Variants in RALYL observed in about 807,000 individuals in gnomAD.
The protein encoded by RALYL is RALY RNA binding protein like, also known as RNA-binding Raly-like protein.
A neutral mutation model predicts 35.1 loss-of-function variants in RALYL; 29 were observed. The observed-to-expected ratio is 0.83, with a 90% CI of 0.61 to 1.13. The LOEUF is 1.13. Ranked by LOEUF, RALYL falls within the 50% of genes most tolerant of loss-of-function variation. The pLI is 0.00. For synonymous variants in RALYL, 120 were observed against 127.6 expected, an observed-to-expected ratio of 0.94 and a Z score of 0.40; for missense variants, 359 against 360.4, an observed-to-expected ratio of 1.00 and a Z score of 0.03.
At chr8:84,626,673 G>A (rs185808557) in intron 2 of RALYL, among the ~76,000 whole-genome samples, 3 of 152,204 alleles carry the variant, frequency 2.0e-5, no homozygotes, top group Non-Finnish European at 4.4e-5. Context: ...TAGAGACACT[G>A]AAAAAGCATA....
intron 2 of RALYL, among the ~76,000 whole-genome samples, chr8:84,759,696 T>G (rs1327242415): frequency 6.6e-6 from 1 of 152,170 alleles, no homozygotes; most frequent in Non-Finnish European, 1.5e-5. Flanking sequence ...GTTTTCTTAC[T>G]TATAAAATGA....
At chr8:84,739,114 A>G (rs1847835673) in intron 2 of RALYL, among the ~76,000 whole-genome samples, 2 of 152,042 alleles carry the variant, frequency 1.3e-5, no homozygotes, top group African/African-American at 2.4e-5. Flanking sequence ...AACTCAGACA[A>G]TTTACATTCA....
chr8:84,895,880 C>G (rs1316488721), intron 8 of RALYL, among the ~76,000 whole-genome samples: 1 of 152,168 alleles, frequency 6.6e-6, no homozygotes, highest in Non-Finnish European at 1.5e-5. Context: ...TGTTTCCATG[C>G]ATTTCCAGAC....
chr8:84,460,450 G>A (rs1217146705), intron 1 of RALYL, among the ~76,000 whole-genome samples: 1 of 151,530 alleles, frequency 6.6e-6, no homozygotes. Flanking sequence ...GGCTTATTAT[G>A]GTGCATCCAT....
chr8:84,824,146 C>T (rs1344327900), intron 4 of RALYL, among the ~76,000 whole-genome samples: 2 of 152,042 alleles, frequency 1.3e-5, no homozygotes, highest in Non-Finnish European at 2.9e-5. Flanking sequence ...TGATATGCCA[C>T]TTCAGTAAAG....
intron 5 of RALYL, among the ~76,000 whole-genome samples, chr8:84,859,716 G>T (rs979156110): frequency 1.3e-5 from 2 of 152,056 alleles, no homozygotes; most frequent in African/African-American, 2.4e-5. Flanking sequence ...ATCCAGGCAC[G>T]GTGGCATGCA....
At chr8:84,471,345 T>C (rs1354713908) in intron 1 of RALYL, among the ~76,000 whole-genome samples, 1 of 151,524 alleles carries the variant, frequency 6.6e-6, no homozygotes, top group Admixed American at 6.6e-5. Context: ...TGCTTTGAGA[T>C]GCCAAAGTGG....
intron 1 of RALYL, among the ~76,000 whole-genome samples, chr8:84,245,160 A>T (rs964519150): frequency 1.3e-5 from 2 of 152,108 alleles, no homozygotes; most frequent in African/African-American, 2.4e-5. Context: ...TGATCCTCTG[A>T]CTGGTCAGTA....
intron 3 of RALYL, among the ~76,000 whole-genome samples, chr8:84,802,315 C>T (rs1200141132): frequency 6.6e-6 from 1 of 152,148 alleles, no homozygotes; most frequent in Non-Finnish European, 1.5e-5. Context: ...GGGCTATACA[C>T]AATCAGAGGG....
chr8:84,304,242 C>T (rs565912799), intron 1 of RALYL, among the ~76,000 whole-genome samples: 66 of 152,172 alleles, frequency 4.3e-4, no homozygotes, highest in African/African-American at 1.4e-3. Context: ...CTCAGCCTCC[C>T]GATTAGCTGG....
chr8:84,350,007 G>A (rs1850593705), intron 1 of RALYL, among the ~76,000 whole-genome samples: 1 of 150,500 alleles, frequency 6.6e-6, no homozygotes, highest in Non-Finnish European at 1.5e-5. Flanking sequence ...GAATACAAGT[G>A]TCTCTTGATT....
At chr8:84,567,482 A>G (rs545483156) in intron 2 of RALYL, among the ~76,000 whole-genome samples, 5 of 151,694 alleles carry the variant, frequency 3.3e-5, no homozygotes, top group Non-Finnish European at 5.9e-5. Flanking sequence ...TTGTTCTGAG[A>G]TATTTTACTT....
chr8:84,471,144 T>A (rs1315784568), intron 1 of RALYL, among the ~76,000 whole-genome samples: 1 of 152,244 alleles, frequency 6.6e-6, no homozygotes, highest in Non-Finnish European at 1.5e-5. Context: ...GATTTTCTAA[T>A]TTCTTGGACA....
chr8:84,611,528 G>A (rs1377958480), intron 2 of RALYL, among the ~76,000 whole-genome samples: 3 of 151,998 alleles, frequency 2.0e-5, no homozygotes, highest in Non-Finnish European at 4.4e-5. Flanking sequence ...GTTCATACAT[G>A]TATATGAATG....
chr8:84,595,331 G>C (rs554233967), intron 2 of RALYL, among the ~76,000 whole-genome samples: 1 of 152,120 alleles, frequency 6.6e-6, no homozygotes, highest in Non-Finnish European at 1.5e-5. Flanking sequence ...GATTTACTTA[G>C]ATTAACAGTG....
intron 2 of RALYL, among the ~76,000 whole-genome samples, chr8:84,628,172 T>A (rs1239246082): frequency 6.6e-6 from 1 of 152,144 alleles, no homozygotes; most frequent in African/African-American, 2.4e-5. Context: ...TTTTCTTAAG[T>A]AACTCTTTCC....
chr8:84,859,913 G>T lies in RALYL; in HGVS notation c.414-2383G>T, dbSNP rs140989390. Among the ~76,000 whole-genome samples the T allele has an allele frequency of 1.6e-3, 238 of 152,152 alleles. 1 individual carries two copies. Among genetic ancestry groups the T allele is most frequent in the African/African-American group, 5.1e-3 (210 of 41,514 alleles). On this transcript the variant is annotated intron_variant, in intron 5 of 8. Transcript: ENST00000521268. ...GAAGTAACTCACCAAAATATTCAGA[G>T]AACAGGCCACTCACCATAGGAATTT...
intron 8 of RALYL, among the ~76,000 whole-genome samples, chr8:84,899,664 A>T (rs1410888663): frequency 1.3e-5 from 2 of 152,202 alleles, no homozygotes; most frequent in African/African-American, 4.8e-5. Flanking sequence ...GAACAACAGA[A>T]GGAGGCTTAA....
chr8:84,712,342 T>G (rs957844659), intron 2 of RALYL, among the ~76,000 whole-genome samples: 1 of 152,128 alleles, frequency 6.6e-6, no homozygotes, highest in African/African-American at 2.4e-5. Context: ...CGATACAGAT[T>G]GACCTTAAAT....
Sources: gnomAD v4.1 joint callset for allele counts (sites outside exome capture counted in the v4.1 genomes callset) on GRCh38, gnomAD v4.1.1 for gene constraint, MANE v1.5 for transcripts, NCBI Gene and HGNC (gene_info 2026-07-23, HGNC 2026-07-21) for gene names.